Variants in E2F3 observed in about 807,000 individuals in gnomAD.
E2F3 encodes the protein transcription factor E2F3.
A neutral mutation model predicts 44.4 loss-of-function variants in E2F3; 11 were observed. That is an observed-to-expected ratio of 0.25 (90% CI 0.16 to 0.41). The LOEUF is 0.41. E2F3 is among the 10% of genes least tolerant of loss of function. The probability of loss-of-function intolerance (pLI) is 1.00; values close to 1 mark genes in which losing one functional copy is unlikely to be tolerated. For missense variants in E2F3, 487 were observed against 583.6 expected (o/e 0.83, Z 1.70); for synonymous variants, 249 against 253.0 (o/e 0.98, Z 0.15).
At chr6:20,408,974 GCCCAATCC>G (rs1478118662) in intron 1 of E2F3, among the ~76,000 whole-genome samples, 2 of 152,150 alleles carry the variant, frequency 1.3e-5, no homozygotes, top group African/African-American at 4.8e-5. Flanking sequence ...GTCCTCATCT[GCCCAATCC>G]CCTTCATGTT....
At chr6:20,422,600 A>T (rs1760065776) in intron 1 of E2F3, among the ~76,000 whole-genome samples, 1 of 152,090 alleles carries the variant, frequency 6.6e-6, no homozygotes, top group African/African-American at 2.4e-5. Context: ...AGAGGGAGGG[A>T]TGTGTGATTC....
chr6:20,402,339 G>A lies in E2F3; in HGVS notation c.107G>A (p.Arg36Lys), dbSNP rs1374278196. Residue 36 changes from arginine to lysine, a missense_variant, in exon 1 of 7, where the codon AGG (arginine) becomes AAG (lysine). Around this residue, in one of 3 missense-constraint regions of E2F3, gnomAD observed 238 missense variants for 236.0 expected, o/e 1.01. Transcript: ENST00000346618. The surrounding 1 kb of genome is among the most constrained non-coding windows in gnomAD (Gnocchi z 5.6). ...GCCGCTGCAGCCTCCATGGACAAAAGGGCACTGCTAGCCAGCCCCGGCTTC... is the reference window on the plus strand; with the variant it reads ...GCCGCTGCAGCCTCCATGGACAAAAAGGCACTGCTAGCCAGCCCCGGCTTC... ...AAAAAASMDKRALLASPGFAA... is the reference protein window; with the variant it reads ...AAAAAASMDKKALLASPGFAA... 4.3e-6 allele frequency: 7 copies of A among 1,609,818 alleles called. No individual in the cohort carries two copies. Among genetic ancestry groups the A allele is most frequent in the South Asian group, 3.3e-5 (3 of 90,898 alleles).
At chr6:20,446,703 C>A (rs1760957067) in intron 1 of E2F3, among the ~76,000 whole-genome samples, 1 of 152,060 alleles carries the variant, frequency 6.6e-6, no homozygotes, top group African/African-American at 2.4e-5. Context: ...GTAGCTGGGA[C>A]TACTACAGGT....
intron 1 of E2F3, among the ~76,000 whole-genome samples, chr6:20,464,259 T>C (rs1222228384): frequency 6.6e-6 from 1 of 152,192 alleles, no homozygotes; most frequent in Non-Finnish European, 1.5e-5. Context: ...TGCCTTGAAA[T>C]GCATCATAAA....
chr6:20,414,483 A>T (rs1207677979), intron 1 of E2F3, among the ~76,000 whole-genome samples: 1 of 152,192 alleles, frequency 6.6e-6, no homozygotes, highest in Non-Finnish European at 1.5e-5. Flanking sequence ...TTAAAAAAAA[A>T]AAATCTTGAA....
intron 1 of E2F3, among the ~76,000 whole-genome samples, chr6:20,430,970 G>A (rs573582783): frequency 8.5e-5 from 13 of 152,178 alleles, no homozygotes; most frequent in Non-Finnish European, 1.3e-4. Context: ...GGTTGCAGTG[G>A]GCCAAGATGG....
chr6:20,440,312 C>G (rs1362140195), intron 1 of E2F3: 2 of 152,192 alleles, frequency 1.3e-5, no homozygotes, highest in African/African-American at 4.8e-5. Context: ...TTAGTAATGT[C>G]CACATCGTCT....
rs149931903 is a variant in E2F3, at chr6:20,459,230, C to T, written c.394-20616C>T. Among the ~76,000 whole-genome samples the T allele has an allele frequency of 5.4e-3, 819 of 152,314 alleles. 5 individuals are homozygous for T. The highest frequency in any genetic ancestry group is 0.017 in the African/African-American group (712 of 41,554). Reference sequence around the variant, plus strand: ...GAGGTTGCAGTGAGCCAACATCGTGCCACTGCACTCCAGCCTGGGTGACAG... The same window carrying T: ...GAGGTTGCAGTGAGCCAACATCGTGTCACTGCACTCCAGCCTGGGTGACAG... On this transcript the variant is annotated intron_variant, in intron 1 of 6. Transcript: ENST00000346618.
chr6:20,428,458 A>T (rs1760288757), intron 1 of E2F3, among the ~76,000 whole-genome samples: 1 of 152,114 alleles, frequency 6.6e-6, no homozygotes, highest in African/African-American at 2.4e-5. Flanking sequence ...CTTGACCTCA[A>T]GTGATCCACC....
chr6:20,403,192 A>T (rs1581557984), intron 1 of E2F3, among the ~76,000 whole-genome samples: 1 of 151,212 alleles, frequency 6.6e-6, no homozygotes, highest in Admixed American at 6.6e-5. Context: ...TCCCGGCAAC[A>T]AAGGGGCTGG....
intron 1 of E2F3, among the ~76,000 whole-genome samples, chr6:20,478,527 G>A (rs1258276195): frequency 6.6e-6 from 1 of 152,194 alleles, no homozygotes; most frequent in South Asian, 2.1e-4. Context: ...TGCAACTCTC[G>A]GCTGGGTACA....
rs1762526799 is a variant in E2F3 at position 20,490,522 on chromosome 6, T to C, written c.*92T>C. On this transcript the variant is annotated 3_prime_UTR_variant, in exon 7 of 7. Transcript: ENST00000346618. The surrounding 1 kb of genome is among the most constrained non-coding windows in gnomAD (Gnocchi z 4.3). ...TGCAGTGTTGTCCCTTCCTACCTTC[T>C]TCCTCCAAGAGAGTATCATGAAGTA... 6.2e-6 allele frequency: 8 copies of C among 1,295,198 alleles called. No homozygotes were observed. Among genetic ancestry groups the C allele is most frequent in the Non-Finnish European group, 8.3e-6 (8 of 958,832 alleles). 80.2% of individuals were successfully genotyped at this position (1,295,198 alleles called of 1,614,324 possible).
At chr6:20,442,203 G>A (rs2127596950) in intron 1 of E2F3, among the ~76,000 whole-genome samples, 1 of 152,208 alleles carries the variant, frequency 6.6e-6, no homozygotes, top group Non-Finnish European at 1.5e-5. Context: ...AGGGAGTCAG[G>A]GGCTGTGCAA....
In E2F3 at chr6:20,490,070, T is replaced by A; in HGVS notation, c.1136-98T>A. ...TCTCATTGTCATTATTTGCGGAAGGTACATGCTTTTTTCTAACAGCAACAT... is the reference window on the plus strand; with the variant it reads ...TCTCATTGTCATTATTTGCGGAAGGAACATGCTTTTTTCTAACAGCAACAT... On this transcript the variant is annotated intron_variant, in intron 6 of 6. Transcript: ENST00000346618. The surrounding 1 kb of genome is among the most constrained non-coding windows in gnomAD (Gnocchi z 4.3). 3.8e-6 allele frequency: 5 copies of A among 1,308,690 alleles called. No homozygotes were observed. The highest frequency in any genetic ancestry group is 5.2e-6 in the Non-Finnish European group (5 of 959,682). The allele number at this position is 1,308,690 out of a possible 1,614,324, so 81.1% of individuals were successfully genotyped here.
At chr6:20,438,525 G>T (rs1430536946) in intron 1 of E2F3, among the ~76,000 whole-genome samples, 2 of 152,152 alleles carry the variant, frequency 1.3e-5, no homozygotes, top group Non-Finnish European at 2.9e-5. Context: ...GTATATGAAA[G>T]CTGCATCCTA....
intron 4 of E2F3, among the ~76,000 whole-genome samples, chr6:20,485,906 C>T (rs1457183847): frequency 6.6e-6 from 1 of 152,082 alleles, no homozygotes; most frequent in East Asian, 1.9e-4. Context: ...GCTGCTGACA[C>T]TTGCTTGTAG....
At chr6:20,479,309 G>C (rs1021053000) in intron 1 of E2F3, among the ~76,000 whole-genome samples, 1 of 152,178 alleles carries the variant, frequency 6.6e-6, no homozygotes, top group Admixed American at 6.5e-5. Flanking sequence ...CAAGCACTGG[G>C]TATACAAAGA....
intron 1 of E2F3, among the ~76,000 whole-genome samples, chr6:20,453,882 T>C (rs1461662944): frequency 6.6e-6 from 1 of 152,184 alleles, no homozygotes; most frequent in Non-Finnish European, 1.5e-5. Flanking sequence ...GGAAAGAATG[T>C]TTCAGTTCTC....
At chr6:20,480,626 A>G (rs1762192043) in intron 2 of E2F3, among the ~76,000 whole-genome samples, 1 of 152,220 alleles carries the variant, frequency 6.6e-6, no homozygotes, top group African/African-American at 2.4e-5. Flanking sequence ...ATATTAAGTA[A>G]GGAAATTTCC....
Sources: allele counts gnomAD v4.1 joint callset (sites outside exome capture counted in the v4.1 genomes callset), GRCh38; gene constraint gnomAD v4.1.1; regional missense constraint gnomAD v4.1.1; non-coding constraint Gnocchi (gnomAD v3.1); transcripts MANE v1.5; gene names NCBI Gene and HGNC (gene_info 2026-07-23, HGNC 2026-07-21).